The following AOC3 variants were observed in gnomAD, a reference collection of about 807,000 sequenced individuals.
AOC3 encodes the protein amine oxidase copper containing 3, also known as amine oxidase [copper-containing] 3.
A neutral mutation model predicts 55.4 loss-of-function variants in AOC3; 47 were observed. The observed-to-expected ratio is 0.85, with a 90% CI of 0.67 to 1.08. AOC3 has a LOEUF of 1.08. Among genes scored for constraint, AOC3 ranks in the 50% least tolerant of loss-of-function variants. The pLI is 0.00. For missense variants in AOC3, 853 were observed against 993.1 expected (o/e 0.86, Z 1.90); for synonymous variants, 386 against 410.7 (o/e 0.94, Z 0.73).
At chr17:42,854,846 T>C in intron 2 of AOC3, 113 bp downstream of exon 2, 2 of 1,113,960 alleles carry the variant, frequency 1.8e-6, no homozygotes, top group Non-Finnish European at 2.3e-6. Flanking sequence ...AAGGCTTTTC[T>C]TTTCCTTTTT....
At position 42,851,380 on chromosome 17, in the gene AOC3, G is replaced by T; in HGVS notation, c.37G>T (p.Ala13Ser). The T allele has an allele frequency of 6.2e-7, 1 of 1,611,008 alleles. No individual in the cohort carries two copies. Among genetic ancestry groups the T allele is most frequent in the African/African-American group, 1.3e-5 (1 of 74,992 alleles). ...GACAATCCTCGTGCTCCTCATTCTG[G>T]CCGTCATCACCATCTTTGCCTTGGT... ...QKTILVLLILAVITIFALVCV... is the reference protein window; with the variant it reads ...QKTILVLLILSVITIFALVCV... The change falls in exon 1 of 4, where the codon GCC becomes TCC. Residue 13 changes from alanine to serine, a missense_variant. By Grantham distance (99) the Ala-to-Ser change is moderately conservative. Coordinates refer to ENST00000308423, the MANE Select transcript of AOC3 (RefSeq NM_003734.4).
chr17:42,852,536 T>G lies in AOC3; in HGVS notation c.1193T>G (p.Leu398Arg), dbSNP rs754369104. 2.0e-5 allele frequency: 33 copies of G among 1,614,102 alleles called. 1 individual carries two copies. The South Asian group carries it at 3.6e-4, about 18-fold the overall frequency. ...GGCATGGGCAAGTACACCACGCCCC[T>G]GACCCGTGGGGTGGACTGCCCCTAC... ...GFGMGKYTTP[L>R]TRGVDCPYLA... The change falls in exon 1 of 4, where the codon CTG becomes CGG. Residue 398 changes from leucine (L) to arginine (R), a missense_variant. Transcript: ENST00000308423.
chr17:42,856,556 C>T lies in AOC3; in HGVS notation c.*6C>T. 2 of 1,566,148 alleles carry T rather than the reference C, an allele frequency of 1.3e-6. No homozygotes were observed. The highest frequency in any genetic ancestry group is 1.7e-6 in the Non-Finnish European group (2 of 1,147,254). ...GGGGCTTCTCTCACAACTAGGCGGTCCTGGGATGGGGCATGTGGCCAAGGG... is the reference window on the plus strand; with the variant it reads ...GGGGCTTCTCTCACAACTAGGCGGTTCTGGGATGGGGCATGTGGCCAAGGG... On this transcript the variant is annotated 3_prime_UTR_variant, in exon 4 of 4. Coordinates refer to ENST00000308423, the MANE Select transcript of AOC3 (RefSeq NM_003734.4).
rs140439621 is a variant in AOC3, at chr17:42,852,338, C to A, written c.995C>A (p.Ser332Tyr). The A allele has an allele frequency of 6.2e-7, 1 of 1,614,174 alleles. No individual in the cohort carries two copies. The change falls in exon 1 of 4, where the codon TCC becomes TAC. Residue 332 changes from serine (S) to tyrosine (Y), a missense_variant. By Grantham distance (144) the Ser-to-Tyr change is moderately radical. Coordinates refer to ENST00000308423, the MANE Select transcript of AOC3 (RefSeq NM_003734.4). ...AGTGTCCAGGGAAGTCGAGTGGCCT[C>A]CTCACTGTGGACTTTCTCCTTTGGC... ...RFSVQGSRVA[S>Y]SLWTFSFGLG...
chr17:42,853,538 G>C (rs561809238), intron 1 of AOC3, among the ~76,000 whole-genome samples: 63 of 152,216 alleles, frequency 4.1e-4, no homozygotes, highest in African/African-American at 1.4e-3. Context: ...TGATGGCTTG[G>C]AGTCTTCATC....
intron 2 of AOC3, among the ~76,000 whole-genome samples, chr17:42,855,208 C>G (rs1234321444): frequency 6.6e-6 from 1 of 152,126 alleles, no homozygotes; most frequent in East Asian, 1.9e-4. Flanking sequence ...AGGCTAAAGC[C>G]CAGGAGTGAG....
chr17:42,855,637 A>G (rs2055739436), intron 3 of AOC3, 64 bp downstream of exon 3: 2 of 1,606,816 alleles, frequency 1.2e-6, no homozygotes, highest in Admixed American at 3.3e-5. Flanking sequence ...GTCCCTGAAA[A>G]CCACCTGCAC....
chr17:42,851,410 G>T lies in AOC3; in HGVS notation c.67G>T (p.Val23Phe). 6.2e-7 allele frequency: 1 copy of T among 1,613,990 alleles called. No homozygotes were observed. The highest frequency in any genetic ancestry group is 8.5e-7 in the Non-Finnish European group (1 of 1,179,910). Residue 23 changes from valine to phenylalanine, a missense_variant, in exon 1 of 4, where the codon GTC (valine) becomes TTC (phenylalanine). Physicochemically the swap from Val to Phe is conservative, Grantham distance 50 (BLOSUM62 -1). Transcript: ENST00000308423. ...AVITIFALVC[V>F]LLVGRGGDGG... ...CATCACCATCTTTGCCTTGGTTTGT[G>T]TCCTGCTGGTGGGCAGGGGTGGAGA... is the stretch of plus-strand genomic sequence containing the variant.
chr17:42,855,413 G>A, intron 2 of AOC3, 31 bp from the exon 3 acceptor site: 2 of 1,585,102 alleles, frequency 1.3e-6, no homozygotes, highest in Non-Finnish European at 1.7e-6. Flanking sequence ...TGGGGTCAAT[G>A]GCCATGGAGG....
At chr17:42,854,869 T>G in intron 2 of AOC3, 136 bp downstream of exon 2, 1 of 845,812 alleles carries the variant, frequency 1.2e-6, no homozygotes, top group Non-Finnish European at 1.6e-6. Context: ...TTTTTTTTTT[T>G]GAGATGGAGT....
Position 42,851,260 on chromosome 17 carries a change from A to T in AOC3, c.-84A>T. ...AGTCCGGGAGCCCCCCACCCCGTCC[A>T]GGAGCCAACAGAGCCCCCGTCTTGC... On this transcript the variant is annotated 5_prime_UTR_variant, in exon 1 of 4. Transcript: ENST00000308423. The T allele has an allele frequency of 7.5e-7, 1 of 1,325,006 alleles. No homozygotes were observed. The highest frequency in any genetic ancestry group is 1.0e-6 in the Non-Finnish European group (1 of 995,156). The allele number at this position is 1,325,006 out of a possible 1,614,324, so 82.1% of individuals were successfully genotyped here.
rs777044564 is a variant in AOC3, at chr17:42,852,726, C to T, written c.1383C>T (p.Val461=). The change falls in exon 1 of 4, where the codon GTC becomes GTT. Residue 461 remains valine, a synonymous_variant. Transcript: ENST00000308423. ...YFGGLAETVL[V]VRSMSTLLNY... ...GGGGTCTTGCGGAAACGGTGCTGGT[C>T]GTCAGATCTATGTCCACCTTGCTCA... The T allele has an allele frequency of 2.1e-5, 34 of 1,614,218 alleles. No homozygotes were observed. Among genetic ancestry groups the T allele is most frequent in the Non-Finnish European group, 2.4e-5 (28 of 1,180,038 alleles).
Position 42,851,556 on chromosome 17 carries a change from G to C in AOC3, c.213G>C (p.Val71=), listed in dbSNP as rs1215877179. The C allele has an allele frequency of 1.9e-6, 3 of 1,613,798 alleles. No homozygotes were observed. The Admixed American group carries it at 5.0e-5, about 27-fold the overall frequency. The change falls in exon 1 of 4, where the codon GTG becomes GTC. Residue 71 remains valine, a synonymous_variant. Transcript: ENST00000308423. ...ADLSREELTA[V]MRFLTQRLGP... ...TGAGCCGAGAGGAGCTGACGGCTGTGATGCGCTTTCTGACCCAGCGGCTGG... is the reference window on the plus strand; with the variant it reads ...TGAGCCGAGAGGAGCTGACGGCTGTCATGCGCTTTCTGACCCAGCGGCTGG...
chr17:42,856,290 G>A lies in AOC3; in HGVS notation c.2032G>A (p.Val678Met). 1 of 1,614,010 alleles carries A rather than the reference G, an allele frequency of 6.2e-7. No individual in the cohort carries two copies. Among genetic ancestry groups the A allele is most frequent in the South Asian group, 1.1e-5 (1 of 91,078 alleles). Reference protein sequence around the residue: ...TIAGKDLVAWVTAGFLHIPHA... With the variant: ...TIAGKDLVAWMTAGFLHIPHA... ...CCCCTGCTAGGATTTGGTGGCCTGG[G>A]TGACAGCTGGTTTTCTGCATATCCC... The change falls in exon 4 of 4, where the codon GTG becomes ATG. Residue 678 changes from valine to methionine, a missense_variant. Coordinates refer to ENST00000308423, the MANE Select transcript of AOC3 (RefSeq NM_003734.4).
chr17:42,852,660 C>T lies in AOC3; in HGVS notation c.1317C>T (p.Pro439=), dbSNP rs759731358. The change falls in exon 1 of 4, where the codon CCC becomes CCT. Residue 439 remains proline (P), a synonymous_variant. Coordinates refer to ENST00000308423, the MANE Select transcript of AOC3 (RefSeq NM_003734.4). ...TGTTTGAACAGAACCAGGGCCTCCC[C>T]CTGCGGCGACACCACTCAGATCTCT... is the stretch of plus-strand genomic sequence containing the variant. The part of the protein sequence containing the change: ...FCVFEQNQGL[P]LRRHHSDLYS... 5.0e-6 allele frequency: 8 copies of T among 1,614,174 alleles called. No individual in the cohort carries two copies. Among genetic ancestry groups the T allele is most frequent in the Admixed American group, 1.7e-5 (1 of 60,012 alleles).
At chr17:42,853,321 T>C (rs1005204149) in intron 1 of AOC3, 5 of 1,031,790 alleles carry the variant, frequency 4.8e-6, no homozygotes, top group Non-Finnish European at 5.8e-6. Flanking sequence ...TGGTGGTGTT[T>C]TGGAGGATCT....
rs767383520 is a variant in AOC3 at position 42,854,586 on chromosome 17, G to A, written c.1739G>A (p.Gly580Glu). The A allele has an allele frequency of 1.4e-5, 23 of 1,609,484 alleles. 1 individual carries two copies. The South Asian group carries it at 2.5e-4, about 18-fold the overall frequency. ...GAGGAGCAGGCCGCCTTCCTCGTGG[G>A]AAGCGCCACCCCTCGCTACCTGTAC... ...EMEEQAAFLV[G>E]SATPRYLYLA... is the part of the protein sequence containing the mutation. Residue 580 changes from glycine (G) to glutamate (E), a missense_variant, in exon 2 of 4, where the codon GGA becomes GAA. Physicochemically the swap from Gly to Glu is moderately conservative, Grantham distance 98. Coordinates refer to ENST00000308423, the MANE Select transcript of AOC3 (RefSeq NM_003734.4).
Position 42,851,214 on chromosome 17 carries a change from A to C in AOC3, c.-130A>C. ...TCCCACCCTTAGTCCCAGGCATCTGACTACCGGGAACCTCAGCCAGAGTCC... is the reference window on the plus strand; with the variant it reads ...TCCCACCCTTAGTCCCAGGCATCTGCCTACCGGGAACCTCAGCCAGAGTCC... On this transcript the variant is annotated 5_prime_UTR_variant, in exon 1 of 4. Coordinates refer to ENST00000308423, the MANE Select transcript of AOC3 (RefSeq NM_003734.4). 1.1e-6 allele frequency: 1 copy of C among 947,752 alleles called. No homozygotes were observed. Among genetic ancestry groups the C allele is most frequent in the Admixed American group, 2.6e-5 (1 of 38,762 alleles). The allele number at this position is 947,752 out of a possible 1,614,324, so 58.7% of individuals were successfully genotyped here.
In AOC3 at chr17:42,852,408, A is replaced by G; in HGVS notation, c.1065A>G (p.Gln355=). The G allele has an allele frequency of 6.2e-7, 1 of 1,614,146 alleles. No individual in the cohort carries two copies. Among genetic ancestry groups the G allele is most frequent in the Non-Finnish European group, 8.5e-7 (1 of 1,180,040 alleles). The part of the protein sequence containing the change: ...SGPRIFDVRF[Q]GERLVYEISL... ...CAAGGATCTTTGACGTTCGCTTCCA[A>G]GGAGAAAGACTAGTTTATGAGATAA... Residue 355 remains glutamine, a synonymous_variant, in exon 1 of 4, where the codon CAA becomes CAG. Transcript: ENST00000308423.
Sources: allele counts gnomAD v4.1 joint callset (sites outside exome capture counted in the v4.1 genomes callset), GRCh38; gene constraint gnomAD v4.1.1; transcripts MANE v1.5; gene names NCBI Gene and HGNC (gene_info 2026-07-23, HGNC 2026-07-21).